The following CARMIL1 variants were observed in gnomAD, a reference collection of about 807,000 sequenced individuals.
CARMIL1 encodes F-actin-uncapping protein LRRC16A.
A neutral mutation model predicts 177.1 loss-of-function variants in CARMIL1; 90 were observed. The ratio of observed to expected loss-of-function variants is 0.51; its 90% CI spans 0.43 to 0.61. CARMIL1 has a LOEUF of 0.61. Among genes scored for constraint, CARMIL1 ranks in the 20% least tolerant of loss-of-function variants. The probability of loss-of-function intolerance (pLI) is 0.00; values close to 1 mark genes in which losing one functional copy is unlikely to be tolerated. For missense variants in CARMIL1, 1,380 were observed against 1,667.0 expected (o/e 0.83, Z 3.00); for synonymous variants, 577 against 606.2 (o/e 0.95, Z 0.71).
At chr6:25,451,432 T>C (rs1212074199) in intron 8 of CARMIL1, among the ~76,000 whole-genome samples, 1 of 152,052 alleles carries the variant, frequency 6.6e-6, no homozygotes, top group Non-Finnish European at 1.5e-5. Context: ...ATTGGTAGGG[T>C]GTATATGTGT....
intron 5 of CARMIL1, among the ~76,000 whole-genome samples, chr6:25,437,062 A>G (rs1797294790): frequency 6.6e-6 from 1 of 152,202 alleles, no homozygotes; most frequent in African/African-American, 2.4e-5. Flanking sequence ...TGGGTTCGAC[A>G]TCATCCTTAA....
chr6:25,335,140 G>A (rs147263529), intron 2 of CARMIL1, among the ~76,000 whole-genome samples: 1 of 152,156 alleles, frequency 6.6e-6, no homozygotes, highest in Non-Finnish European at 1.5e-5. Context: ...TCAATGAAGC[G>A]TAGGAAGTCT....
intron 2 of CARMIL1, among the ~76,000 whole-genome samples, chr6:25,373,158 G>T (rs1790592989): frequency 6.6e-6 from 1 of 151,596 alleles, no homozygotes; most frequent in African/African-American, 2.4e-5. Context: ...CTAGTATTTT[G>T]TTGAGGATTT....
intron 11 of CARMIL1, among the ~76,000 whole-genome samples, chr6:25,477,062 C>T (rs928874005): frequency 5.4e-5 from 8 of 147,428 alleles, no homozygotes; most frequent in African/African-American, 2.0e-4. Context: ...GCACTCCAGC[C>T]TGGCGACTGA....
intron 11 of CARMIL1, among the ~76,000 whole-genome samples, chr6:25,476,208 A>G (rs1158508022): frequency 1.3e-5 from 2 of 152,132 alleles, no homozygotes; most frequent in Non-Finnish European, 2.9e-5. Context: ...ATGTTTGCCT[A>G]CTTTTTCCCT....
intron 2 of CARMIL1, among the ~76,000 whole-genome samples, chr6:25,402,916 T>G (rs1794011521): frequency 6.6e-6 from 1 of 152,178 alleles, no homozygotes; most frequent in African/African-American, 2.4e-5. Flanking sequence ...AATATACATT[T>G]GAAATTATTA....
intron 15 of CARMIL1, among the ~76,000 whole-genome samples, chr6:25,492,407 C>T (rs1195321086): frequency 1.3e-5 from 2 of 152,200 alleles, no homozygotes; most frequent in African/African-American, 4.8e-5. Context: ...AAAGCTCATG[C>T]ATTTTCACTT....
intron 3 of CARMIL1, among the ~76,000 whole-genome samples, chr6:25,425,527 G>T (rs558642901): frequency 1.6e-4 from 24 of 152,020 alleles, no homozygotes; most frequent in Non-Finnish European, 3.4e-4. Flanking sequence ...TATATTTCTC[G>T]GTTTAATGTG....
intron 2 of CARMIL1, among the ~76,000 whole-genome samples, chr6:25,405,349 T>C (rs114550235): frequency 6.6e-6 from 1 of 152,202 alleles, no homozygotes; most frequent in Non-Finnish European, 1.5e-5. Flanking sequence ...ATATGGTGAT[T>C]TGTATACCTC....
intron 26 of CARMIL1, among the ~76,000 whole-genome samples, chr6:25,544,896 G>T (rs1360810970): frequency 1.3e-5 from 2 of 152,146 alleles, no homozygotes; most frequent in Non-Finnish European, 2.9e-5. Flanking sequence ...GAAGTGTTAA[G>T]AATTCAGCAT....
rs965049315 is a variant in CARMIL1, at chr6:25,515,980, T to A, written c.1805+133T>A. On this transcript the variant is annotated intron_variant, in intron 21 of 36. Transcript: ENST00000329474. This position sits in a 1 kb window ranked among gnomAD's most constrained non-coding sequence, Gnocchi z 5.0. ...CCATCTTGAGGAGAAGAGGTGACAA[T>A]GTCAAGATTTCTGTCAGAATAATGA... The A allele has an allele frequency of 1.2e-6, 1 of 845,116 alleles. No homozygotes were observed. The highest frequency in any genetic ancestry group is 1.8e-6 in the Non-Finnish European group (1 of 565,046). The allele number at this position is 845,116 out of a possible 1,614,324, so 52.4% of individuals were successfully genotyped here.
intron 13 of CARMIL1, among the ~76,000 whole-genome samples, chr6:25,490,257 G>T (rs1322191358): frequency 6.6e-6 from 1 of 152,158 alleles, no homozygotes; most frequent in Non-Finnish European, 1.5e-5. Context: ...GGTGATAAGA[G>T]CTCCCCCAGC....
intron 2 of CARMIL1, among the ~76,000 whole-genome samples, chr6:25,367,297 T>C (rs957200771): frequency 1.6e-4 from 25 of 152,280 alleles, no homozygotes; most frequent in Middle Eastern, 3.4e-3. Flanking sequence ...CTATAGATGC[T>C]GGTTAAAAAA....
chr6:25,299,768 G>A (rs1782703679), intron 2 of CARMIL1, among the ~76,000 whole-genome samples: 1 of 151,814 alleles, frequency 6.6e-6, no homozygotes, highest in Admixed American at 6.6e-5. Flanking sequence ...CTGAGGTCAG[G>A]AGTTTTTGAG....
intron 8 of CARMIL1, among the ~76,000 whole-genome samples, chr6:25,463,350 C>A (rs1229787581): frequency 6.6e-6 from 1 of 151,948 alleles, no homozygotes; most frequent in Non-Finnish European, 1.5e-5. Context: ...ATGCTGTATA[C>A]CTTAAAAATT....
chr6:25,550,295 A>T (rs1809955224), intron 26 of CARMIL1, among the ~76,000 whole-genome samples: 1 of 152,234 alleles, frequency 6.6e-6, no homozygotes, highest in African/African-American at 2.4e-5. Context: ...AATGCTGTCT[A>T]TAAGGTGCTA....
At chr6:25,286,384 T>C (rs1781526381) in intron 2 of CARMIL1, among the ~76,000 whole-genome samples, 1 of 152,226 alleles carries the variant, frequency 6.6e-6, no homozygotes, top group Non-Finnish European at 1.5e-5. Flanking sequence ...GTAAAGGCAT[T>C]GAATGGGAAA....
intron 20 of CARMIL1, among the ~76,000 whole-genome samples, chr6:25,514,590 A>G (rs1317616293): frequency 6.7e-6 from 1 of 149,536 alleles, no homozygotes; most frequent in African/African-American, 2.4e-5. Flanking sequence ...GTGACTTAAA[A>G]AAAGAATTGT....
At position 25,291,456 on chromosome 6, in the gene CARMIL1, T is replaced by C. The variant is rs576435199; in HGVS notation, c.138+6547T>C. Among the ~76,000 whole-genome samples the C allele has an allele frequency of 2.0e-5, 3 of 152,220 alleles. 1 individual carries two copies. Among genetic ancestry groups the C allele is most frequent in the Non-Finnish European group, 4.4e-5 (3 of 68,036 alleles). On this transcript the variant is annotated intron_variant, in intron 2 of 36. Transcript: ENST00000329474. ...ACTATTGTTCTTTTGCAGTAGGCCATACTCATTTTGCATGACCAGTCTGTT... is the reference window on the plus strand; with the variant it reads ...ACTATTGTTCTTTTGCAGTAGGCCACACTCATTTTGCATGACCAGTCTGTT...
Sources: allele counts gnomAD v4.1 joint callset (sites outside exome capture counted in the v4.1 genomes callset), GRCh38; gene constraint gnomAD v4.1.1; non-coding constraint Gnocchi (gnomAD v3.1); transcripts MANE v1.5; gene names NCBI Gene and HGNC (gene_info 2026-07-23, HGNC 2026-07-21).